The following PTCHD4 variants were observed in gnomAD, a reference collection of about 807,000 sequenced individuals.
PTCHD4 encodes the protein patched domain-containing protein 4.
In PTCHD4, 33 loss-of-function variants were observed where a neutral mutation model predicts 58.1. The ratio of observed to expected loss-of-function variants is 0.57; its 90% CI spans 0.43 to 0.76. The LOEUF (loss-of-function observed/expected upper bound fraction) is 0.76, where lower values mean the gene tolerates loss of function less well. PTCHD4 is among the 30% of genes least tolerant of loss of function. PTCHD4 has a pLI of 0.00. For synonymous variants in PTCHD4, 478 were observed against 409.6 expected (o/e 1.17, Z -2.02); for missense variants, 1,058 against 1,027.1 (o/e 1.03, Z -0.41).
chr6:48,094,311 T>C lies in PTCHD4; in HGVS notation c.-970+16738A>G, dbSNP rs1189706378. ...AAGAAATAATGCGAGGAAATGAAGA[T>C]ATGAATCACGAGTGGTAACGATGAG... On this transcript the variant is annotated intron_variant, in intron 1 of 4. Coordinates refer to ENST00000339488, the MANE Select transcript of PTCHD4 (RefSeq NM_001384253.1). 2.0e-5 allele frequency among the ~76,000 whole-genome samples: 3 copies of C among 152,198 alleles called. No homozygotes were observed. The East Asian group carries it at 5.8e-4, about 29-fold the overall frequency.
intron 1 of PTCHD4, among the ~76,000 whole-genome samples, chr6:48,086,227 C>T (rs1378483019): frequency 6.6e-6 from 1 of 152,104 alleles, no homozygotes; most frequent in African/African-American, 2.4e-5. Flanking sequence ...AGCGTTATGT[C>T]CTAATAAAAG....
intron 4 of PTCHD4, among the ~76,000 whole-genome samples, chr6:47,952,095 TAGAA>T (rs1766676294): frequency 6.6e-6 from 1 of 152,054 alleles, no homozygotes; most frequent in South Asian, 2.1e-4. Context: ...GAAGAAAAAT[TAGAA>T]TGAACTGGAC....
In PTCHD4 at chr6:48,068,636, G is replaced by C; in HGVS notation, c.11C>G (p.Pro4Arg). 2 of 1,548,768 alleles carry C rather than the reference G, an allele frequency of 1.3e-6. No homozygotes were observed. Among genetic ancestry groups the C allele is most frequent in the Non-Finnish European group, 1.7e-6 (2 of 1,152,358 alleles). MRR[P>R]GAPASWIWWR... ...CCAGATCCAGCTCGCAGGCGCTCCC[G>C]GCCGTCTTAAAAAGCACATGTGACA... Residue 4 changes from proline (P) to arginine (R), a missense_variant, in exon 3 of 5, where the codon CCG (proline) becomes CGG (arginine). Physicochemically the swap from Pro to Arg is moderately radical, Grantham distance 103. Transcript: ENST00000339488. This position sits in a 1 kb window ranked among gnomAD's most constrained non-coding sequence, Gnocchi z 4.2.
intron 4 of PTCHD4, among the ~76,000 whole-genome samples, chr6:47,948,096 T>C (rs1766490741): frequency 6.6e-6 from 1 of 152,228 alleles, no homozygotes; most frequent in Admixed American, 6.5e-5. Flanking sequence ...GAGCTGGAGC[T>C]GTGGTCTTAG....
chr6:48,102,066 C>G (rs866735923), intron 1 of PTCHD4, among the ~76,000 whole-genome samples: 1 of 152,184 alleles, frequency 6.6e-6, no homozygotes, highest in Non-Finnish European at 1.5e-5. Flanking sequence ...GACTCAGACC[C>G]CAGGCTACCA....
intron 4 of PTCHD4, among the ~76,000 whole-genome samples, chr6:47,976,331 A>G (rs1428640203): frequency 6.6e-6 from 1 of 152,188 alleles, no homozygotes; most frequent in African/African-American, 2.4e-5. Flanking sequence ...CAATGCAGCA[A>G]TATTTCCAGA....
chr6:48,012,806 C>A (rs1226658584), intron 3 of PTCHD4, among the ~76,000 whole-genome samples: 1 of 152,076 alleles, frequency 6.6e-6, no homozygotes, highest in African/African-American at 2.4e-5. Flanking sequence ...TTATTGAAGA[C>A]CTTTTCTGCA....
intron 4 of PTCHD4, among the ~76,000 whole-genome samples, chr6:47,971,617 ATTATCT>A (rs1328901936): frequency 6.6e-6 from 1 of 152,196 alleles, no homozygotes; most frequent in African/African-American, 2.4e-5. Flanking sequence ...GTGCAGCCAA[ATTATCT>A]TTAAGGTGTG....
In PTCHD4 at chr6:47,863,154, T is replaced by C. The variant is rs564673803; in HGVS notation, c.*15149A>G. Among the ~76,000 whole-genome samples, 1 of 151,942 alleles carries C rather than the reference T, an allele frequency of 6.6e-6. No homozygotes were observed. The highest frequency in any genetic ancestry group is 1.5e-5 in the Non-Finnish European group (1 of 67,886). Reference sequence around the variant, plus strand: ...TTTTGTGTTGTATCTGAGACTTATGTGGTCCCACATGCAGGGGCAGATCAA... The same window carrying C: ...TTTTGTGTTGTATCTGAGACTTATGCGGTCCCACATGCAGGGGCAGATCAA... On this transcript the variant is annotated 3_prime_UTR_variant, in exon 5 of 5. Coordinates refer to ENST00000339488, the MANE Select transcript of PTCHD4 (RefSeq NM_001384253.1).
At chr6:47,932,899 AT>A (rs1765872143) in intron 4 of PTCHD4, among the ~76,000 whole-genome samples, 1 of 152,218 alleles carries the variant, frequency 6.6e-6, no homozygotes, top group Non-Finnish European at 1.5e-5. Flanking sequence ...ATGAGGCTAA[AT>A]TAGTTGGTAT....
intron 1 of PTCHD4, among the ~76,000 whole-genome samples, chr6:48,107,751 T>G (rs1318144587): frequency 6.6e-6 from 1 of 151,280 alleles, no homozygotes; most frequent in African/African-American, 2.4e-5. Context: ...AACAAATTTA[T>G]AAGAAAAAAA....
chr6:47,859,078 A>AT lies in PTCHD4; in HGVS notation c.*19224dup, dbSNP rs1331887975. On this transcript the variant is annotated 3_prime_UTR_variant, in exon 5 of 5. Coordinates refer to ENST00000339488, the MANE Select transcript of PTCHD4 (RefSeq NM_001384253.1). ...AATGTTCCTGAGCATCAGATAATAT[A>AT]TTTTATTCACGCTTATGTCAGGGTA... 3.3e-5 allele frequency among the ~76,000 whole-genome samples: 5 copies of AT among 151,984 alleles called. No individual in the cohort carries two copies. The highest frequency in any genetic ancestry group is 7.4e-5 in the Non-Finnish European group (5 of 67,952).
chr6:47,924,602 G>C (rs1226118941), intron 4 of PTCHD4, among the ~76,000 whole-genome samples: 1 of 152,116 alleles, frequency 6.6e-6, no homozygotes, highest in African/African-American at 2.4e-5. Context: ...CATGAGGTAT[G>C]TGATGCACTT....
At chr6:47,991,930 A>T (rs2114036593) in intron 4 of PTCHD4, among the ~76,000 whole-genome samples, 1 of 152,194 alleles carries the variant, frequency 6.6e-6, no homozygotes. Context: ...ATATGAGACA[A>T]CTAGAAAGCA....
At chr6:47,892,716 C>T (rs1163900418) in intron 4 of PTCHD4, among the ~76,000 whole-genome samples, 2 of 152,152 alleles carry the variant, frequency 1.3e-5, no homozygotes, top group African/African-American at 4.8e-5. Context: ...AAATATGATT[C>T]AAGAGAAAAA....
chr6:47,953,502 G>C (rs1272746154), intron 4 of PTCHD4, among the ~76,000 whole-genome samples: 1 of 152,036 alleles, frequency 6.6e-6, no homozygotes, highest in Non-Finnish European at 1.5e-5. Context: ...AATGCTTTGA[G>C]ATATCCCTAT....
rs150689778 is a variant in PTCHD4, at chr6:47,877,328, T to C, written c.*975A>G. ...ACTTGTGCACCCTTAGACTCATGTATGGATAATCTGTGTAAAGCGCTCATT... is the reference window on the plus strand; with the variant it reads ...ACTTGTGCACCCTTAGACTCATGTACGGATAATCTGTGTAAAGCGCTCATT... On this transcript the variant is annotated 3_prime_UTR_variant, in exon 5 of 5. Coordinates refer to ENST00000339488, the MANE Select transcript of PTCHD4 (RefSeq NM_001384253.1). Among the ~76,000 whole-genome samples the C allele has an allele frequency of 2.6e-4, 40 of 152,166 alleles. No individual in the cohort carries two copies. In the East Asian group the frequency reaches 7.8e-3, roughly 30 times the overall value.
At chr6:47,906,324 T>G (rs1056965925) in intron 4 of PTCHD4, among the ~76,000 whole-genome samples, 1 of 152,254 alleles carries the variant, frequency 6.6e-6, no homozygotes, top group Non-Finnish European at 1.5e-5. Context: ...AATGTTTTCC[T>G]GCTGCTAGAG....
chr6:48,041,392 C>T (rs573312189), intron 3 of PTCHD4, among the ~76,000 whole-genome samples: 3 of 152,156 alleles, frequency 2.0e-5, no homozygotes, highest in South Asian at 4.1e-4. Context: ...AATAAAGTAA[C>T]ACTTGGTAAA....
Sources: gnomAD v4.1 joint callset for allele counts (sites outside exome capture counted in the v4.1 genomes callset) on GRCh38, gnomAD v4.1.1 for gene constraint, Gnocchi (gnomAD v3.1) non-coding constraint, MANE v1.5 for transcripts, NCBI Gene and HGNC (gene_info 2026-07-23, HGNC 2026-07-21) for gene names.